The following LPIN1 variants were observed in gnomAD, a reference collection of about 807,000 sequenced individuals.
The protein encoded by LPIN1 is phosphatidate phosphatase LPIN1.
A neutral mutation model predicts 107.5 loss-of-function variants in LPIN1; 71 were observed. The observed-to-expected ratio is 0.66, with a 90% CI of 0.55 to 0.80. The LOEUF (loss-of-function observed/expected upper bound fraction) is 0.80. Among genes scored for constraint, LPIN1 ranks in the 30% least tolerant of loss-of-function variants. The pLI, the probability that LPIN1 is intolerant of heterozygous loss-of-function variation, is 0.00. For synonymous variants in LPIN1, 445 were observed against 452.6 expected, an observed-to-expected ratio of 0.98 and a Z score of 0.21; for missense variants, 1,043 against 1,160.6, an observed-to-expected ratio of 0.90 and a Z score of 1.47.
At position 11,790,476 on chromosome 2, in the gene LPIN1, C is replaced by G. The variant is rs542502469; in HGVS notation, c.1714-1438C>G. 2.6e-5 allele frequency among the ~76,000 whole-genome samples: 4 copies of G among 152,322 alleles called. No homozygotes were observed. In the South Asian group the frequency reaches 6.2e-4, roughly 24 times the overall value. On this transcript the variant is annotated intron_variant, in intron 12 of 20. Transcript: ENST00000674199. ...TGATCACCACTAAAGCACTTCTTGGCAAAGCAATGAAATGACTGTGAACGG... is the reference window on the plus strand; with the variant it reads ...TGATCACCACTAAAGCACTTCTTGGGAAAGCAATGAAATGACTGTGAACGG...
intron 1 of LPIN1, among the ~76,000 whole-genome samples, chr2:11,740,722 A>AAAAGAAAGAAAGAAAG (rs141242630): frequency 2.2e-4 from 32 of 148,508 alleles, no homozygotes; most frequent in African/African-American, 6.9e-4. Flanking sequence ...GAAAGAAAAG[A>AAAAGAAAGAAAGAAAG]AAAGAAAGAA....
intron 1 of LPIN1, among the ~76,000 whole-genome samples, chr2:11,690,547 T>C (rs1165856268): frequency 6.6e-6 from 1 of 152,228 alleles, no homozygotes; most frequent in Admixed American, 6.5e-5. Context: ...CAACTTCTTC[T>C]TTGTGATCTC....
At chr2:11,796,390 G>A (rs1572884499) in intron 14 of LPIN1, among the ~76,000 whole-genome samples, 1 of 152,172 alleles carries the variant, frequency 6.6e-6, no homozygotes, top group East Asian at 1.9e-4. Context: ...CCATGGCTCT[G>A]TGTCTTAAAC....
At chr2:11,743,195 C>T (rs905727560), upstream of LPIN1, among the ~76,000 whole-genome samples, 2 of 152,224 alleles carry the variant, frequency 1.3e-5, no homozygotes, top group Non-Finnish European at 2.9e-5. The surrounding 1 kb of genome is among the most constrained non-coding windows in gnomAD (Gnocchi z 4.7). Context: ...CCAAGATGCT[C>T]CTGTGTGTCC....
Position 11,771,489 on chromosome 2 carries a change from C to G in LPIN1, c.406C>G (p.Pro136Ala). The change falls in exon 4 of 21, where the codon CCA (proline) becomes GCA (alanine). Residue 136 changes from proline to alanine, a missense_variant. By Grantham distance (27) the Pro-to-Ala change is conservative. Transcript: ENST00000674199. This position sits in a 1 kb window ranked among gnomAD's most constrained non-coding sequence, Gnocchi z 4.8. ...DRMRGLDPST[P>A]AQVIAPSETP... ...GATGAGAGGCCTGGACCCCAGCACG[C>G]CAGCCCAAGTGATCGCTCCCAGCGA... The G allele has an allele frequency of 6.2e-7, 1 of 1,614,184 alleles. No homozygotes were observed. The highest frequency in any genetic ancestry group is 8.5e-7 in the Non-Finnish European group (1 of 1,180,042).
intron 1 of LPIN1, among the ~76,000 whole-genome samples, chr2:11,687,555 T>C (rs1272659135): frequency 6.6e-6 from 1 of 152,122 alleles, no homozygotes; most frequent in African/African-American, 2.4e-5. Flanking sequence ...TGAGACTCTG[T>C]AGAGGGGAGA....
chr2:11,769,359 A>G (rs1350483444), intron 3 of LPIN1, among the ~76,000 whole-genome samples: 2 of 152,000 alleles, frequency 1.3e-5, no homozygotes, highest in Non-Finnish European at 2.9e-5. Context: ...CCATTTCTGA[A>G]TCTTTGGAGA....
intron 1 of LPIN1, among the ~76,000 whole-genome samples, chr2:11,710,237 T>A (rs1045541458): frequency 1.3e-5 from 2 of 152,126 alleles, no homozygotes; most frequent in Non-Finnish European, 2.9e-5. Context: ...ACCTTAGGGA[T>A]TACAACTTCA....
intron 1 of LPIN1, among the ~76,000 whole-genome samples, chr2:11,684,328 T>A (rs541511981): frequency 7.4e-6 from 1 of 135,446 alleles, no homozygotes; most frequent in African/African-American, 2.7e-5. Context: ...TGTGTGCCAC[T>A]GCAACCAGCT....
At chr2:11,746,584 T>C (rs961545930), upstream of LPIN1, 25 of 897,420 alleles carry the variant, frequency 2.8e-5, no homozygotes, top group Non-Finnish European at 3.3e-5. Flanking sequence ...CCCCCGCCCC[T>C]GCCCCGCCCC....
Position 11,782,447 on chromosome 2 carries a change from C to G in LPIN1, c.1204C>G (p.Pro402Ala), listed in dbSNP as rs1168153725. ...CTTGCCCATGATCGAGGAGCTCAAA[C>G]CCCCCTCTGCCAGTGTAGTCCAGAC... ...PLLPMIEELK[P>A]PSASVVQTAN... Residue 402 changes from proline (P) to alanine (A), a missense_variant, in exon 8 of 21, where the codon CCC becomes GCC. By Grantham distance (27) the Pro-to-Ala change is conservative (BLOSUM62 -1). Transcript: ENST00000674199. 1 of 1,614,008 alleles carries G rather than the reference C, an allele frequency of 6.2e-7. No individual in the cohort carries two copies. The highest frequency in any genetic ancestry group is 8.5e-7 in the Non-Finnish European group (1 of 1,180,000).
At chr2:11,800,623 G>C (rs1452895753) in intron 14 of LPIN1, among the ~76,000 whole-genome samples, 4 of 152,066 alleles carry the variant, frequency 2.6e-5, no homozygotes, top group Admixed American at 6.6e-5. Context: ...TGAGGCTGGG[G>C]ATCACTTCTT....
chr2:11,753,779 A>T (rs1175853287), intron 1 of LPIN1, among the ~76,000 whole-genome samples: 1 of 152,208 alleles, frequency 6.6e-6, no homozygotes, highest in Admixed American at 6.5e-5. Context: ...CACTATTTAT[A>T]AATCAATTTC....
chr2:11,764,103 T>TACACACACACACAC (rs1174224490), intron 1 of LPIN1: 5 of 121,846 alleles, frequency 4.1e-5, no homozygotes, highest in African/African-American at 1.7e-4. Context: ...TATATATATA[T>TACACACACACACAC]ACACACACAC....
At chr2:11,737,555 C>T (rs1361303139) in intron 1 of LPIN1, among the ~76,000 whole-genome samples, 2 of 152,042 alleles carry the variant, frequency 1.3e-5, no homozygotes, top group Non-Finnish European at 1.5e-5. Flanking sequence ...ACCAAACAAC[C>T]CCATCAAAAA....
At position 11,724,555 on chromosome 2, in the gene LPIN1, G is replaced by A. The variant is rs74802505; in HGVS notation, c.-72+16G>A. The A allele has an allele frequency of 2.2e-4, 215 of 985,560 alleles. No homozygotes were observed. The East Asian group carries it at 0.015, about 68-fold the overall frequency. The allele number at this position is 985,560 out of a possible 1,614,324, so 61.1% of individuals were successfully genotyped here. On this transcript the variant is annotated intron_variant, in intron 1 of 21. Transcript: ENST00000396097. ...GGAGACCCAGGTTCGCATGAGCAGGGGCCTTTATCTGAAGTTAATGGAAGC... is the reference window on the plus strand; with the variant it reads ...GGAGACCCAGGTTCGCATGAGCAGGAGCCTTTATCTGAAGTTAATGGAAGC...
chr2:11,732,139 A>G (rs1176529382), intron 1 of LPIN1, among the ~76,000 whole-genome samples: 3 of 152,222 alleles, frequency 2.0e-5, no homozygotes, highest in African/African-American at 7.2e-5. Context: ...TTTTTAAGTA[A>G]TGATGAGTTT....
chr2:11,763,194 G>A (rs1382858853), intron 1 of LPIN1: 1 of 152,614 alleles, frequency 6.6e-6, no homozygotes, highest in Non-Finnish European at 1.5e-5. Context: ...GCCTGAGGAG[G>A]GTTGATGGCA....
chr2:11,680,523 C>G (rs968982779), intron 1 of LPIN1, among the ~76,000 whole-genome samples: 9 of 151,904 alleles, frequency 5.9e-5, no homozygotes, highest in African/African-American at 2.2e-4. Context: ...TGGCAAGCCA[C>G]AGAGTTCACA....
Sources: allele counts gnomAD v4.1 joint callset (sites outside exome capture counted in the v4.1 genomes callset), GRCh38; gene constraint gnomAD v4.1.1; non-coding constraint Gnocchi (gnomAD v3.1); transcripts MANE v1.5; gene names NCBI Gene and HGNC (gene_info 2026-07-23, HGNC 2026-07-21).